Variants in TSPEAR observed in about 807,000 individuals in gnomAD.
The protein encoded by TSPEAR is thrombospondin type laminin G domain and EAR repeats, also known as thrombospondin-type laminin G domain and EAR repeat-containing protein.
In TSPEAR, 69 loss-of-function variants were observed where a neutral mutation model predicts 71.6. That is an observed-to-expected ratio of 0.96 (90% confidence interval 0.79 to 1.18). The LOEUF (loss-of-function observed/expected upper bound fraction) is 1.18, where lower values mean the gene tolerates loss of function less well. Among genes scored for constraint, TSPEAR ranks in the 50% most tolerant of loss-of-function variants. TSPEAR has a pLI of 0.00. For missense variants in TSPEAR, 971 were observed against 894.9 expected, an observed-to-expected ratio of 1.09 and a Z score of -1.09; for synonymous variants, 402 against 387.2, an observed-to-expected ratio of 1.04 and a Z score of -0.45.
rs1488539523 is a variant in TSPEAR, at chr21:44,522,090, A to G, written c.1359T>C (p.Ser453=). 4 of 1,613,528 alleles carry G rather than the reference A, an allele frequency of 2.5e-6. No homozygotes were observed. Among genetic ancestry groups the G allele is most frequent in the Non-Finnish European group, 3.4e-6 (4 of 1,179,876 alleles). Residue 453 remains serine (S), a synonymous_variant, in exon 9 of 12, where the codon AGT becomes AGC. Coordinates refer to ENST00000323084, the MANE Select transcript of TSPEAR (RefSeq NM_144991.3). The part of the protein sequence containing the change: ...HREGDNHNID[S]VIYKWNPATR... Reference sequence around the variant, plus strand: ...TTGCCGGGTTCCACTTGTAGATGACACTGTCGATGTTGTGGTTGTCGCCTG... The same window carrying G: ...TTGCCGGGTTCCACTTGTAGATGACGCTGTCGATGTTGTGGTTGTCGCCTG...
intron 1 of TSPEAR, among the ~76,000 whole-genome samples, chr21:44,583,394 T>C (rs1451236466): frequency 1.3e-5 from 2 of 152,260 alleles, no homozygotes; most frequent in South Asian, 2.1e-4. Flanking sequence ...GGAGACGCGA[T>C]GACAGCAGCC....
intron 1 of TSPEAR, among the ~76,000 whole-genome samples, chr21:44,703,102 C>A (rs1343379511): frequency 2.6e-5 from 4 of 152,254 alleles, no homozygotes; most frequent in Non-Finnish European, 5.9e-5. Flanking sequence ...ATTGGCCGCC[C>A]TTGCCCACCA....
At chr21:44,641,016 C>A (rs1316361101) in intron 1 of TSPEAR, among the ~76,000 whole-genome samples, 1 of 152,104 alleles carries the variant, frequency 6.6e-6, no homozygotes, top group South Asian at 2.1e-4. Flanking sequence ...TGAACTGGAG[C>A]CCCCATGTCC....
chr21:44,516,195 G>C (rs1555913403), intron 9 of TSPEAR: 1 of 152,290 alleles, frequency 6.6e-6, no homozygotes, highest in African/African-American at 2.4e-5. Flanking sequence ...AAACAAGGAA[G>C]GCTGCCATCA....
intron 1 of TSPEAR, chr21:44,637,730 T>G: frequency 8.2e-7 from 1 of 1,226,584 alleles, no homozygotes; most frequent in South Asian, 1.4e-5. Flanking sequence ...GCCCGTCTGC[T>G]GCGTGCCCGT....
chr21:44,508,535 G>T lies in TSPEAR; in HGVS notation c.1754+664C>A, dbSNP rs979372691. 197 of 1,109,500 alleles carry T rather than the reference G, an allele frequency of 1.8e-4. No homozygotes were observed. The Middle Eastern group carries it at 3.4e-3, about 19-fold the overall frequency. 68.7% of individuals were successfully genotyped at this position (1,109,500 alleles called of 1,614,324 possible). On this transcript the variant is annotated intron_variant, in intron 10 of 11. Transcript: ENST00000323084. The stretch of plus-strand genomic sequence containing the variant: ...GGATTCGATTGCAGGTTTATTCACA[G>T]ACCGGAATTCCACCCCAGAGGACGC...
rs781818625 is a variant in TSPEAR, at chr21:44,558,613, TGGTGGCGCAGCAG to T, written c.303+9159_303+9171del. The T allele has an allele frequency of 1.4e-3, 2,314 of 1,610,600 alleles. 9 individuals are homozygous for T. The highest frequency in any genetic ancestry group is 4.1e-3 in the South Asian group (368 of 90,798). ...AGGCAGGGGGCCGGGGCGCAGCAGC[TGGTGGCGCAGCAG>T]GGGGGCTCACAGCAGCTCTCTGGGC... is the stretch of plus-strand genomic sequence containing the variant. On this transcript the variant is annotated intron_variant, in intron 2 of 11. Coordinates refer to ENST00000323084, the MANE Select transcript of TSPEAR (RefSeq NM_144991.3).
chr21:44,504,393 G>C lies in TSPEAR; in HGVS notation c.1856+387C>G, dbSNP rs113376038. 4.7e-3 allele frequency among the ~76,000 whole-genome samples: 652 copies of C among 138,798 alleles called. 10 individuals are homozygous for C. Among genetic ancestry groups the C allele is most frequent in the African/African-American group, 0.017 (602 of 36,354 alleles). The allele number at this position is 138,798 out of a possible 152,430, so 91.1% of individuals were successfully genotyped here. On this transcript the variant is annotated intron_variant, in intron 11 of 11. Transcript: ENST00000323084. ...AAGTCTCTTGGAGGAAGCTGGCCTCGGTGAGCCCTCGGGGGAAGCAAGGCT... is the reference window on the plus strand; with the variant it reads ...AAGTCTCTTGGAGGAAGCTGGCCTCCGTGAGCCCTCGGGGGAAGCAAGGCT...
intron 1 of TSPEAR, among the ~76,000 whole-genome samples, chr21:44,671,617 A>C (rs1314561708): frequency 6.6e-6 from 1 of 152,250 alleles, no homozygotes; most frequent in Non-Finnish European, 1.5e-5. Context: ...GAAATCATAC[A>C]GAGACTAAAC....
intron 9 of TSPEAR, among the ~76,000 whole-genome samples, chr21:44,511,867 TAG>T (rs1190845473): frequency 5.9e-5 from 9 of 152,140 alleles, no homozygotes; most frequent in Non-Finnish European, 1.2e-4. Context: ...CAGCACTGTG[TAG>T]AGAGAGCTTT....
chr21:44,539,382 A>G (rs782361955), intron 2 of TSPEAR: 1 of 1,612,566 alleles, frequency 6.2e-7, no homozygotes, highest in Non-Finnish European at 8.5e-7. Context: ...GCCTGGCAGG[A>G]GGAGGCAGGG....
intron 1 of TSPEAR, chr21:44,592,641 C>T: frequency 8.5e-7 from 1 of 1,182,484 alleles, no homozygotes; most frequent in East Asian, 2.6e-5. Flanking sequence ...TGTTTGTTCG[C>T]CCGTGATGTG....
chr21:44,702,130 A>G, intron 1 of TSPEAR: 1 of 1,177,638 alleles, frequency 8.5e-7, no homozygotes, highest in Non-Finnish European at 1.2e-6. Context: ...CAGCGTCCAC[A>G]TGAGCACAGG....
In TSPEAR at chr21:44,508,715, C is replaced by G. The variant is rs2052267489; in HGVS notation, c.1754+484G>C. 3.2e-6 allele frequency: 4 copies of G among 1,231,308 alleles called. No homozygotes were observed. In the African/African-American group the frequency reaches 6.2e-5, roughly 19 times the overall value. The allele number at this position is 1,231,308 out of a possible 1,614,324, so 76.3% of individuals were successfully genotyped here. A position where few individuals can be genotyped will look rare whatever the true frequency, so the allele number is the denominator to read the frequency against. On this transcript the variant is annotated intron_variant, in intron 10 of 11. Transcript: ENST00000323084. ...CCTCCATGTTCCCTGGATCTCACAT[C>G]TGTCTCAACAGGCCAGTCTCCGTGT...
intron 1 of TSPEAR, among the ~76,000 whole-genome samples, chr21:44,584,453 T>G (rs1409493387): frequency 6.6e-6 from 1 of 152,240 alleles, no homozygotes; most frequent in Non-Finnish European, 1.5e-5. Context: ...TATACAAGAT[T>G]GCTCATCACA....
Position 44,699,791 on chromosome 21 carries a change from C to T in TSPEAR, c.82+11642G>A, listed in dbSNP as rs561543839. ...GGGCTCCCAGCCACGCTTACGGCGG[C>T]CTCCAGGTGTGCCCCCAGACCGAAG... On this transcript the variant is annotated intron_variant, in intron 1 of 11. Transcript: ENST00000323084. Among the ~76,000 whole-genome samples the T allele has an allele frequency of 2.8e-3, 430 of 152,364 alleles. 4 individuals carry two copies. Among genetic ancestry groups the T allele is most frequent in the African/African-American group, 9.7e-3 (402 of 41,590 alleles).
chr21:44,513,673 G>C (rs1436845316), intron 9 of TSPEAR, among the ~76,000 whole-genome samples: 1 of 152,226 alleles, frequency 6.6e-6, no homozygotes, highest in African/African-American at 2.4e-5. Flanking sequence ...TGGGCACCCG[G>C]TAATCAGTGG....
intron 1 of TSPEAR, among the ~76,000 whole-genome samples, chr21:44,586,640 C>T (rs1979357268): frequency 1.3e-5 from 2 of 151,758 alleles, no homozygotes. Flanking sequence ...CCTCCCCCAG[C>T]CTCAGGCACC....
chr21:44,612,795 C>A lies in TSPEAR; in HGVS notation c.83-44790G>T, dbSNP rs1981802679. On this transcript the variant is annotated intron_variant, in intron 1 of 11. Coordinates refer to ENST00000323084, the MANE Select transcript of TSPEAR (RefSeq NM_144991.3). This position sits in a 1 kb window ranked among gnomAD's most constrained non-coding sequence, Gnocchi z 4.1. ...CCTGTCCCCTCCTGTTGTGTCCCTG[C>A]CTCCTCCTGCCAGCCCAGCTGCTGC... 3.1e-6 allele frequency: 5 copies of A among 1,613,388 alleles called. No homozygotes were observed. Among genetic ancestry groups the A allele is most frequent in the Admixed American group, 1.7e-5 (1 of 59,988 alleles).
Sources: allele counts gnomAD v4.1 joint callset (sites outside exome capture counted in the v4.1 genomes callset), GRCh38; gene constraint gnomAD v4.1.1; non-coding constraint Gnocchi (gnomAD v3.1); transcripts MANE v1.5; gene names NCBI Gene and HGNC (gene_info 2026-07-23, HGNC 2026-07-21).